Variants in DGKI observed in about 807,000 individuals in gnomAD.
DGKI encodes the protein DAG kinase iota.
DGKI carries 55 observed loss-of-function variants against 147.5 expected under a neutral mutation model. The observed-to-expected ratio is 0.37, with a 90% CI of 0.30 to 0.47. The LOEUF (loss-of-function observed/expected upper bound fraction) is 0.47, where lower values mean the gene tolerates loss of function less well. DGKI is among the 20% of genes least tolerant of loss of function. The pLI is 1.00. For missense variants in DGKI, 1,007 were observed against 1,323.8 expected, an observed-to-expected ratio of 0.76 and a Z score of 3.71; for synonymous variants, 469 against 477.1, an observed-to-expected ratio of 0.98 and a Z score of 0.22.
chr7:137,656,252 A>G (rs1422716278), intron 4 of DGKI, among the ~76,000 whole-genome samples: 1 of 152,198 alleles, frequency 6.6e-6, no homozygotes, highest in African/African-American at 2.4e-5. Context: ...CCCAAGAGTC[A>G]ACGTAAAATG....
At position 137,537,525 on chromosome 7, in the gene DGKI, TAAC is replaced by T. The variant is rs772327289; in HGVS notation, c.2147+14841_2147+14843del. ...TCACCTAGAAATACAATAATAATAATAACAAAAGCATGACCAACAAACCTAATC... is the reference window on the plus strand; with the variant it reads ...TCACCTAGAAATACAATAATAATAATAAAAGCATGACCAACAAACCTAATC... On this transcript the variant is annotated intron_variant, in intron 20 of 32. Coordinates refer to ENST00000614521, the MANE Select transcript of DGKI (RefSeq NM_001321708.2). Among the ~76,000 whole-genome samples the T allele has an allele frequency of 6.6e-5, 10 of 152,156 alleles. No homozygotes were observed. In the East Asian group the frequency reaches 1.2e-3, roughly 18 times the overall value.
At chr7:137,824,070 A>G (rs1022859011) in intron 1 of DGKI, among the ~76,000 whole-genome samples, 1 of 152,228 alleles carries the variant, frequency 6.6e-6, no homozygotes, top group Non-Finnish European at 1.5e-5. Context: ...GAACTACTAA[A>G]TCCTCACCTC....
chr7:137,450,800 T>C (rs1158839126), intron 27 of DGKI, among the ~76,000 whole-genome samples: 1 of 151,324 alleles, frequency 6.6e-6, no homozygotes, highest in African/African-American at 2.4e-5. Context: ...CACATATATA[T>C]ATATTTTACT....
At chr7:137,753,045 TACACAC>T (rs3054913) in intron 1 of DGKI, among the ~76,000 whole-genome samples, 3 of 150,188 alleles carry the variant, frequency 2.0e-5, no homozygotes, top group Middle Eastern at 3.4e-3. Flanking sequence ...CGAATGTACA[TACACAC>T]ACACACACAC....
chr7:137,684,578 C>T (rs535992187), intron 2 of DGKI, among the ~76,000 whole-genome samples: 1 of 152,242 alleles, frequency 6.6e-6, no homozygotes, highest in African/African-American at 2.4e-5. Flanking sequence ...TTTCCCTCGG[C>T]AGCCAGGGTG....
rs368868403 is a variant in DGKI at position 137,620,389 on chromosome 7, G to A, written c.877-449C>T. Among the ~76,000 whole-genome samples, 41 of 152,178 alleles carry A rather than the reference G, an allele frequency of 2.7e-4. 2 individuals are homozygous for A. The South Asian group carries it at 6.6e-3, about 25-fold the overall frequency. ...ATGGACTTGGTTGATCTAAGATAACGTTAAGAAGGAAATGAACAGGCAGAA... is the reference window on the plus strand; with the variant it reads ...ATGGACTTGGTTGATCTAAGATAACATTAAGAAGGAAATGAACAGGCAGAA... On this transcript the variant is annotated intron_variant, in intron 7 of 32. Coordinates refer to ENST00000614521, the MANE Select transcript of DGKI (RefSeq NM_001321708.2).
chr7:137,844,178 C>A (rs994746737), intron 1 of DGKI, among the ~76,000 whole-genome samples: 4 of 152,324 alleles, frequency 2.6e-5, no homozygotes, highest in South Asian at 2.1e-4. Context: ...GCCGCCATGA[C>A]GAGTGGGCAG....
At chr7:137,689,623 G>A (rs986760757) in intron 2 of DGKI, among the ~76,000 whole-genome samples, 2 of 152,158 alleles carry the variant, frequency 1.3e-5, no homozygotes, top group Non-Finnish European at 2.9e-5. Flanking sequence ...TAAAGACTGC[G>A]CACGAGGTAC....
At chr7:137,651,875 G>T (rs1173702985) in intron 5 of DGKI, among the ~76,000 whole-genome samples, 1 of 152,074 alleles carries the variant, frequency 6.6e-6, no homozygotes, top group Non-Finnish European at 1.5e-5. Context: ...ACTGGATAAG[G>T]AAAGAACAGA....
chr7:137,689,844 A>G, intron 2 of DGKI, 50 bp downstream of exon 2: 4 of 1,258,662 alleles, frequency 3.2e-6, no homozygotes, highest in Non-Finnish European at 4.4e-6. Context: ...AGAATGAGAG[A>G]CACAAAACAT....
chr7:137,552,341 A>C, intron 20 of DGKI, 28 bp downstream of exon 20: 1 of 1,610,958 alleles, frequency 6.2e-7, no homozygotes, highest in South Asian at 1.1e-5. Flanking sequence ...TCTTCATGTT[A>C]AGCAAGGTAG....
chr7:137,787,315 T>G (rs1170902572), intron 1 of DGKI, among the ~76,000 whole-genome samples: 2 of 151,874 alleles, frequency 1.3e-5, no homozygotes, highest in Non-Finnish European at 2.9e-5. Flanking sequence ...AGGACAGGCA[T>G]AGACAATTCT....
At chr7:137,542,173 C>T (rs562665383) in intron 20 of DGKI, among the ~76,000 whole-genome samples, 8 of 152,286 alleles carry the variant, frequency 5.3e-5, no homozygotes, top group African/African-American at 1.9e-4. Context: ...GGTAGAAATG[C>T]AAAATGGTGC....
At chr7:137,517,575 C>T (rs1226433168) in intron 21 of DGKI, among the ~76,000 whole-genome samples, 1 of 152,108 alleles carries the variant, frequency 6.6e-6, no homozygotes, top group East Asian at 1.9e-4. Context: ...ATATCAGTTT[C>T]CTTGACAAAC....
At chr7:137,590,709 CT>C (rs1290616065) in intron 12 of DGKI, among the ~76,000 whole-genome samples, 3 of 151,798 alleles carry the variant, frequency 2.0e-5, no homozygotes, top group Non-Finnish European at 4.4e-5. Flanking sequence ...TTTTTTTTGT[CT>C]TTTTTGAGAC....
At chr7:137,801,920 A>AT (rs1458077071) in intron 1 of DGKI, among the ~76,000 whole-genome samples, 3 of 152,180 alleles carry the variant, frequency 2.0e-5, no homozygotes, top group African/African-American at 7.2e-5. Flanking sequence ...AAAAAAATGC[A>AT]TTTTTGGAAG....
At chr7:137,634,591 C>T (rs1437338734) in intron 6 of DGKI, among the ~76,000 whole-genome samples, 1 of 152,062 alleles carries the variant, frequency 6.6e-6, no homozygotes, top group Non-Finnish European at 1.5e-5. Flanking sequence ...GTAAGTGGGA[C>T]CATCTGAGAT....
chr7:137,480,879 C>A (rs758456860), intron 23 of DGKI, among the ~76,000 whole-genome samples: 10 of 152,036 alleles, frequency 6.6e-5, no homozygotes, highest in Admixed American at 2.6e-4. Flanking sequence ...TACAAAAAAA[C>A]CCCTCTAATT....
rs1228104803 is a variant in DGKI, at chr7:137,428,967, G to A, written c.2761+15110C>T. On this transcript the variant is annotated intron_variant, in intron 28 of 32. Coordinates refer to ENST00000614521, the MANE Select transcript of DGKI (RefSeq NM_001321708.2). Reference sequence around the variant, plus strand: ...AGGAAGAATCAATATCGTGAAAATGGCCATACTGCCCAAGGTAATTTATAG... The same window carrying A: ...AGGAAGAATCAATATCGTGAAAATGACCATACTGCCCAAGGTAATTTATAG... Among the ~76,000 whole-genome samples the A allele has an allele frequency of 2.0e-5, 3 of 152,040 alleles. No individual in the cohort carries two copies. The South Asian group carries it at 6.2e-4, about 32-fold the overall frequency.
Sources: gnomAD v4.1 joint callset for allele counts (sites outside exome capture counted in the v4.1 genomes callset) on GRCh38, gnomAD v4.1.1 for gene constraint, MANE v1.5 for transcripts, NCBI Gene and HGNC (gene_info 2026-07-23, HGNC 2026-07-21) for gene names.